BTBD9: variants seen among roughly 807,000 people sequenced by gnomAD.
BTBD9 encodes BTB/POZ domain-containing protein 9.
BTBD9 carries 49 observed loss-of-function variants against 64.3 expected under a neutral mutation model. The observed-to-expected ratio is 0.76, with a 90% CI of 0.61 to 0.97. BTBD9 has a LOEUF of 0.97. BTBD9 is among the 50% of genes least tolerant of loss of function. BTBD9 has a pLI of 0.00. For missense variants in BTBD9, 598 were observed against 762.1 expected (o/e 0.78, Z 2.53); for synonymous variants, 260 against 274.7 (o/e 0.95, Z 0.53).
At chr6:38,243,041 T>C (rs1764059619) in intron 9 of BTBD9, among the ~76,000 whole-genome samples, 2 of 151,398 alleles carry the variant, frequency 1.3e-5, no homozygotes, top group Admixed American at 1.3e-4. Context: ...GGCTGGGTCT[T>C]GAAGGGAACA....
At chr6:38,463,841 G>A (rs1375786263) in intron 6 of BTBD9, among the ~76,000 whole-genome samples, 1 of 152,156 alleles carries the variant, frequency 6.6e-6, no homozygotes, top group East Asian at 1.9e-4. Context: ...AGACCAGCCT[G>A]GCCAACATGG....
intron 6 of BTBD9, among the ~76,000 whole-genome samples, chr6:38,392,721 T>C (rs1349852757): frequency 6.6e-6 from 1 of 152,116 alleles, no homozygotes; most frequent in African/African-American, 2.4e-5. Context: ...CCAAAGACCG[T>C]GCCCTTTTAA....
At chr6:38,439,762 C>G (rs532344023) in intron 6 of BTBD9, among the ~76,000 whole-genome samples, 1 of 152,274 alleles carries the variant, frequency 6.6e-6, no homozygotes, top group South Asian at 2.1e-4. Flanking sequence ...TCAATTTTAA[C>G]AGCTCACTGC....
chr6:38,322,023 G>A (rs1763255948), intron 7 of BTBD9, among the ~76,000 whole-genome samples: 1 of 151,828 alleles, frequency 6.6e-6, no homozygotes, highest in Non-Finnish European at 1.5e-5. Flanking sequence ...TGCGAATGCT[G>A]TGTATTAGTA....
At chr6:38,630,452 T>C (rs939570480) in intron 1 of BTBD9, among the ~76,000 whole-genome samples, 1 of 152,218 alleles carries the variant, frequency 6.6e-6, no homozygotes, top group Non-Finnish European at 1.5e-5. Context: ...TTTTAGGAAA[T>C]GCACATTGAA....
intron 9 of BTBD9, among the ~76,000 whole-genome samples, chr6:38,251,644 A>T (rs1764406855): frequency 6.6e-6 from 1 of 152,110 alleles, no homozygotes; most frequent in African/African-American, 2.4e-5. Flanking sequence ...TCACGCCTGT[A>T]CTTTGGGAGG....
At chr6:38,191,233 CTAAA>C (rs1762060062) in intron 10 of BTBD9, among the ~76,000 whole-genome samples, 1 of 152,102 alleles carries the variant, frequency 6.6e-6, no homozygotes, top group Non-Finnish European at 1.5e-5. Context: ...CACTTTTATT[CTAAA>C]TAAATAAAAA....
intron 4 of BTBD9, among the ~76,000 whole-genome samples, chr6:38,584,195 G>T (rs143541748): frequency 0.026 from 3,990 of 152,214 alleles, 78 homozygotes; most frequent in Admixed American, 0.069. Flanking sequence ...GAGCGTGGTA[G>T]TACATGTCTA....
chr6:38,301,513 T>A (rs1762403030), intron 7 of BTBD9, among the ~76,000 whole-genome samples: 1 of 152,194 alleles, frequency 6.6e-6, no homozygotes, highest in Admixed American at 6.5e-5. Flanking sequence ...GTTGGTAAGC[T>A]ATTAATTATT....
intron 7 of BTBD9, among the ~76,000 whole-genome samples, chr6:38,344,217 T>C (rs1764201241): frequency 6.6e-6 from 1 of 151,648 alleles, no homozygotes; most frequent in South Asian, 2.1e-4. Flanking sequence ...AAAAGCAGAA[T>C]AAACAGTCTG....
At chr6:38,423,094 G>A (rs757989584) in intron 6 of BTBD9, among the ~76,000 whole-genome samples, 4 of 151,934 alleles carry the variant, frequency 2.6e-5, no homozygotes, top group Non-Finnish European at 4.4e-5. Flanking sequence ...GTAAAACCTC[G>A]TCTCTACTAA....
intron 6 of BTBD9, among the ~76,000 whole-genome samples, chr6:38,577,233 TAAG>T (rs766944920): frequency 2.5e-4 from 38 of 152,338 alleles, no homozygotes; most frequent in Non-Finnish European, 7.4e-5. Context: ...ATGGCTTTCA[TAAG>T]AAGAATGCAC....
intron 9 of BTBD9, among the ~76,000 whole-genome samples, chr6:38,218,621 G>A (rs1763091703): frequency 1.3e-5 from 2 of 152,152 alleles, no homozygotes; most frequent in African/African-American, 4.8e-5. Context: ...CCCATGTCCA[G>A]GCCCTGACTT....
chr6:38,397,415 G>C (rs2127629359), intron 6 of BTBD9, among the ~76,000 whole-genome samples: 1 of 152,326 alleles, frequency 6.6e-6, no homozygotes, highest in Admixed American at 6.5e-5. Context: ...GACTGGCTGT[G>C]GAAGAGGGGA....
chr6:38,621,856 G>A (rs547887659), intron 1 of BTBD9, among the ~76,000 whole-genome samples: 14 of 152,260 alleles, frequency 9.2e-5, no homozygotes, highest in African/African-American at 2.4e-4. Flanking sequence ...GCTGCCAGGC[G>A]GAACCTCCCA....
intron 10 of BTBD9, among the ~76,000 whole-genome samples, chr6:38,177,967 T>C (rs1021417832): frequency 6.6e-6 from 1 of 152,200 alleles, no homozygotes; most frequent in African/African-American, 2.4e-5. Context: ...GCCATCAAGT[T>C]AGGGGACCCT....
At chr6:38,299,644 A>G (rs1409762199) in intron 7 of BTBD9, among the ~76,000 whole-genome samples, 2 of 152,224 alleles carry the variant, frequency 1.3e-5, no homozygotes, top group African/African-American at 4.8e-5. Context: ...TTTTGGCTGC[A>G]TAAATATCTT....
intron 6 of BTBD9, among the ~76,000 whole-genome samples, chr6:38,426,979 T>C (rs532077286): frequency 1.3e-5 from 2 of 151,626 alleles, no homozygotes; most frequent in African/African-American, 2.4e-5. Flanking sequence ...GAAGCTTCAA[T>C]TCCCCATCTC....
At chr6:38,175,770 A>T (rs886974310) in intron 10 of BTBD9, among the ~76,000 whole-genome samples, 1 of 152,154 alleles carries the variant, frequency 6.6e-6, no homozygotes, top group African/African-American at 2.4e-5. Context: ...CTGCAATGGC[A>T]TGGTGTCCTG....
Sources: gnomAD v4.1 joint callset for allele counts (sites outside exome capture counted in the v4.1 genomes callset) on GRCh38, gnomAD v4.1.1 for gene constraint, MANE v1.5 for transcripts, NCBI Gene and HGNC (gene_info 2026-07-23, HGNC 2026-07-21) for gene names.